Variants in DPPA4 observed in about 807,000 individuals in gnomAD.
DPPA4 encodes the protein developmental pluripotency-associated protein 4.
DPPA4 carries 22 observed loss-of-function variants against 33.7 expected under a neutral mutation model. The ratio of observed to expected loss-of-function variants is 0.65; its 90% confidence interval spans 0.47 to 0.93. DPPA4 has a LOEUF of 0.93. Among genes scored for constraint, DPPA4 ranks in the 40% least tolerant of loss-of-function variants. The probability of loss-of-function intolerance (pLI) is 0.00; values close to 1 mark genes in which losing one functional copy is unlikely to be tolerated. For synonymous variants in DPPA4, 156 were observed against 132.3 expected (o/e 1.18, Z -1.23); for missense variants, 340 against 358.6 (o/e 0.95, Z 0.42).
rs1226899577 is a variant in DPPA4 at position 109,326,246 on chromosome 3, G to T, written c.*1742C>A. On this transcript the variant is annotated 3_prime_UTR_variant, in exon 7 of 7. Coordinates refer to ENST00000335658, the MANE Select transcript of DPPA4 (RefSeq NM_018189.4). ...CTACAAGCAGAATCGTAAAGCCAAG[G>T]ACATTTCCAAATTAATAGAAAGGAA... 1 of 151,000 alleles carries T rather than the reference G, an allele frequency of 6.6e-6. No individual in the cohort carries two copies. The highest frequency in any genetic ancestry group is 1.5e-5 in the Non-Finnish European group (1 of 68,016). The allele number at this position is 151,000 out of a possible 1,614,324, so 9.4% of individuals were successfully genotyped here.
chr3:109,330,932 A>G (rs1559708422), intron 4 of DPPA4, 120 bp from the exon 5 acceptor site: 1 of 947,298 alleles, frequency 1.1e-6, no homozygotes, highest in Non-Finnish European at 1.5e-6. Flanking sequence ...CAAGAGATCT[A>G]TTGTACAAGT....
At chr3:109,332,732 G>A (rs905373853) in intron 2 of DPPA4, among the ~76,000 whole-genome samples, 2 of 152,186 alleles carry the variant, frequency 1.3e-5, no homozygotes, top group East Asian at 3.9e-4. Flanking sequence ...TAGCAGGTAT[G>A]TTTCCTTAGC....
intron 1 of DPPA4, among the ~76,000 whole-genome samples, chr3:109,336,116 C>A (rs1262712361): frequency 1.3e-5 from 2 of 151,114 alleles, no homozygotes; most frequent in Non-Finnish European, 2.9e-5. Context: ...TCGGCTACTG[C>A]ACACCACTCT....
At chr3:109,336,952 G>A (rs1030004684) in intron 1 of DPPA4, among the ~76,000 whole-genome samples, 1 of 152,160 alleles carries the variant, frequency 6.6e-6, no homozygotes, top group Non-Finnish European at 1.5e-5. Context: ...CAAGCTGGGG[G>A]TGCAATGGGG....
upstream of DPPA4, among the ~76,000 whole-genome samples, chr3:109,338,594 T>C (rs1708256311): frequency 6.6e-6 from 1 of 152,162 alleles, no homozygotes; most frequent in African/African-American, 2.4e-5. Context: ...TAAGAGACTG[T>C]CTTTATCCAA....
At chr3:109,332,215 C>G (rs1708097796) in intron 2 of DPPA4, 184 bp from the exon 3 acceptor site, 1 of 428,954 alleles carries the variant, frequency 2.3e-6, no homozygotes, top group Admixed American at 3.6e-5. Flanking sequence ...GATTCTCCTG[C>G]CTCAGCCTCC....
chr3:109,333,347 CTCAAAA>C (rs1708121503), intron 2 of DPPA4: 1 of 55,660 alleles, frequency 1.8e-5, no homozygotes, highest in Non-Finnish European at 2.8e-5. Flanking sequence ...GTCTTGGTGT[CTCAAAA>C]AAAAAAAAAA....
At chr3:109,328,813 T>A in intron 6 of DPPA4, 77 bp downstream of exon 6, 1 of 1,317,548 alleles carries the variant, frequency 7.6e-7, no homozygotes, top group Non-Finnish European at 1.0e-6. Context: ...CTATTTAAGA[T>A]TAATGTATAT....
At position 109,329,194 on chromosome 3, in the gene DPPA4, G is replaced by T. The variant is rs1708001456; in HGVS notation, c.680-106C>A. 13 of 971,696 alleles carry T rather than the reference G, an allele frequency of 1.3e-5. No homozygotes were observed. The South Asian group carries it at 2.1e-4, about 15-fold the overall frequency. 60.2% of individuals were successfully genotyped at this position (971,696 alleles called of 1,614,324 possible). On this transcript the variant is annotated intron_variant, in intron 5 of 6. Coordinates refer to ENST00000335658, the MANE Select transcript of DPPA4 (RefSeq NM_018189.4). ...CCTTGATTGACCAGCTCCAAGATGT[G>T]AACCCTGAAATCCTAACTTAACCTC...
chr3:109,335,365 A>G (rs1576839909), intron 1 of DPPA4, among the ~76,000 whole-genome samples: 1 of 152,236 alleles, frequency 6.6e-6, no homozygotes, highest in South Asian at 2.1e-4. Context: ...GCCTCAAGCA[A>G]TCTTCCCGCC....
At chr3:109,332,158 G>T (rs946515459) in intron 2 of DPPA4, 127 bp from the exon 3 acceptor site, 7 of 825,460 alleles carry the variant, frequency 8.5e-6, no homozygotes, top group Non-Finnish European at 1.3e-5. Context: ...CTGGAGTGCA[G>T]TGGCGCGATC....
At chr3:109,331,260 C>CAAAAAAAAAAAAAAAA (rs10593582) in intron 4 of DPPA4, among the ~76,000 whole-genome samples, 2 of 58,408 alleles carry the variant, frequency 3.4e-5, no homozygotes, top group African/African-American at 7.6e-5. Flanking sequence ...GACTCTGTCT[C>CAAAAAAAAAAAAAAAA]AAAAAAAAAA....
At position 109,329,144 on chromosome 3, in the gene DPPA4, G is replaced by A. The variant is rs945702719; in HGVS notation, c.680-56C>T. On this transcript the variant is annotated intron_variant, in intron 5 of 6. Transcript: ENST00000335658. ...CCGCACACCAGGATGACATACTGAT[G>A]TAAGACTGCATTATGGCCCATCACC... 1.2e-5 allele frequency: 18 copies of A among 1,509,130 alleles called. No individual in the cohort carries two copies. The African/African-American group carries it at 1.7e-4, about 14-fold the overall frequency. 93.5% of individuals were successfully genotyped at this position (1,509,130 alleles called of 1,614,324 possible).
At chr3:109,331,701 A>G in intron 4 of DPPA4, 33 bp downstream of exon 4, 1 of 1,607,138 alleles carries the variant, frequency 6.2e-7, no homozygotes, top group Non-Finnish European at 8.5e-7. Flanking sequence ...TAATTAGGAT[A>G]AGCATTGAAA....
chr3:109,332,390 C>G (rs541884459), intron 2 of DPPA4, among the ~76,000 whole-genome samples: 3 of 152,136 alleles, frequency 2.0e-5, no homozygotes, highest in Admixed American at 6.6e-5. Context: ...CCTAAGCCAC[C>G]GCGCCCAGCC....
upstream of DPPA4, among the ~76,000 whole-genome samples, chr3:109,339,579 G>A (rs1206365258): frequency 6.6e-6 from 1 of 151,934 alleles, no homozygotes. Flanking sequence ...GCAATATAGT[G>A]AAACCCCATT....
chr3:109,329,099 CAAAGG>C lies in DPPA4; in HGVS notation c.680-16_680-12del, dbSNP rs748125648. 256 of 1,612,688 alleles carry C rather than the reference CAAAGG, an allele frequency of 1.6e-4. 1 individual carries two copies. Among genetic ancestry groups the C allele is most frequent in the Non-Finnish European group, 2.1e-4 (244 of 1,179,174 alleles). On this transcript the variant is annotated splice_polypyrimidine_tract_variant and intron_variant, in intron 5 of 6. Transcript: ENST00000335658. ...CACACCACCTGACACCTGGCAATGG[CAAAGG>C]AAAGAGACAGGTACCCGCACACCAG... is the stretch of plus-strand genomic sequence containing the variant.
chr3:109,336,486 TTA>T, intron 1 of DPPA4: 1 of 152,270 alleles, frequency 6.6e-6, no homozygotes. Flanking sequence ...TGGCTTCTGA[TTA>T]CTCCTAGGTC....
chr3:109,339,184 C>T (rs1455955237), upstream of DPPA4, among the ~76,000 whole-genome samples: 2 of 151,774 alleles, frequency 1.3e-5, no homozygotes, highest in Non-Finnish European at 2.9e-5. Flanking sequence ...GTGTGAGACT[C>T]CATCTCAAAA....
Sources: gnomAD v4.1 joint callset for allele counts (sites outside exome capture counted in the v4.1 genomes callset) on GRCh38, gnomAD v4.1.1 for gene constraint, MANE v1.5 for transcripts, NCBI Gene and HGNC (gene_info 2026-07-23, HGNC 2026-07-21) for gene names.